The following CNTN4 variants were observed in gnomAD, a reference collection of about 807,000 sequenced individuals.
CNTN4 encodes the protein contactin 4, also known as contactin-4.
CNTN4 carries 77 observed loss-of-function variants against 122.5 expected under a neutral mutation model. That is an observed-to-expected ratio of 0.63 (90% CI 0.52 to 0.76). The LOEUF (loss-of-function observed/expected upper bound fraction) is 0.76, where lower values mean the gene tolerates loss of function less well. CNTN4 is among the 30% of genes least tolerant of loss of function. The probability of loss-of-function intolerance (pLI) is 0.00; values close to 1 mark genes in which losing one functional copy is unlikely to be tolerated. For synonymous variants in CNTN4, 512 were observed against 447.0 expected (o/e 1.15, Z -1.83); for missense variants, 1,256 against 1,259.1 (o/e 1.00, Z 0.04).
chr3:2,633,368 G>A (rs1310224299), intron 4 of CNTN4, among the ~76,000 whole-genome samples: 1 of 152,170 alleles, frequency 6.6e-6, no homozygotes, highest in African/African-American at 2.4e-5. Flanking sequence ...CACTTCATTA[G>A]TTACATTCAG....
At chr3:2,141,485 C>A (rs530655795) in intron 2 of CNTN4, among the ~76,000 whole-genome samples, 22 of 152,238 alleles carry the variant, frequency 1.4e-4, no homozygotes, top group African/African-American at 5.3e-4. Flanking sequence ...AAGCCCTGCC[C>A]AGTCTTAATT....
At chr3:2,788,709 C>A (rs2149946992) in intron 6 of CNTN4, among the ~76,000 whole-genome samples, 1 of 152,196 alleles carries the variant, frequency 6.6e-6, no homozygotes, top group South Asian at 2.1e-4. Context: ...CATTAGAATG[C>A]CAACCCTTAA....
At chr3:3,042,603 CTA>C (rs1466947448) in intron 21 of CNTN4, among the ~76,000 whole-genome samples, 181 bp downstream of exon 21, 1 of 152,154 alleles carries the variant, frequency 6.6e-6, no homozygotes, top group Non-Finnish European at 1.5e-5. Context: ...TACCCTTTTT[CTA>C]TGTTATATTC....
Position 2,251,382 on chromosome 3 carries a change from C to A in CNTN4, c.-144-87796C>A, listed in dbSNP as rs539974714. Among the ~76,000 whole-genome samples the A allele has an allele frequency of 1.8e-4, 28 of 151,970 alleles. No individual in the cohort carries two copies. The South Asian group carries it at 3.7e-3, about 20-fold the overall frequency. ...CTTAGAGCTGTTTTCTTCAATTATT[C>A]TAATTTTTGTGTTCTCATTTTGGTT... On this transcript the variant is annotated intron_variant, in intron 2 of 24. Coordinates refer to ENST00000418658, the MANE Select transcript of CNTN4 (RefSeq NM_175607.3).
At chr3:2,318,319 A>G (rs994660629) in intron 2 of CNTN4, among the ~76,000 whole-genome samples, 11 of 152,266 alleles carry the variant, frequency 7.2e-5, no homozygotes, top group Middle Eastern at 3.4e-3. Flanking sequence ...TATGCTAGAA[A>G]AACACACTAT....
chr3:2,716,716 T>G (rs904136163), intron 4 of CNTN4, among the ~76,000 whole-genome samples: 2 of 152,166 alleles, frequency 1.3e-5, no homozygotes, highest in African/African-American at 4.8e-5. Context: ...ATCACCACTA[T>G]CCACTTCCAG....
In CNTN4 at chr3:2,819,522, T is replaced by C. The variant is rs371852870; in HGVS notation, c.395T>C (p.Val132Ala). 8.8e-5 allele frequency: 142 copies of C among 1,614,058 alleles called. No homozygotes were observed. The highest frequency in any genetic ancestry group is 6.0e-5 in the Non-Finnish European group (71 of 1,180,006). The stretch of plus-strand genomic sequence containing the variant: ...TTTAAAACAAGAACAAGAAGCACTG[T>C]GTCTGTCCGTCGAGGTCAAGGAATG... Reference protein sequence around the residue: ...DNFKTRTRSTVSVRRGQGMVL... With the variant: ...DNFKTRTRSTASVRRGQGMVL... The change falls in exon 7 of 25, where the codon GTG becomes GCG. Residue 132 changes from valine to alanine, a missense_variant. Transcript: ENST00000418658.
intron 13 of CNTN4, chr3:2,927,427 G>C (rs1277068110): frequency 7.0e-6 from 3 of 427,070 alleles, no homozygotes; most frequent in Non-Finnish European, 1.4e-5. Flanking sequence ...CCTCTACTTA[G>C]AAGTGCAACA....
intron 2 of CNTN4, among the ~76,000 whole-genome samples, chr3:2,126,980 A>G (rs144722394): frequency 6.0e-4 from 91 of 152,302 alleles, no homozygotes; most frequent in African/African-American, 2.0e-3. Context: ...CTTTTGTCTG[A>G]TGAGGAGTCC....
intron 3 of CNTN4, among the ~76,000 whole-genome samples, chr3:2,545,703 G>C (rs193005567): frequency 3.6e-5 from 5 of 140,290 alleles, no homozygotes; most frequent in African/African-American, 1.3e-4. Context: ...TTTTTTTTCT[G>C]TTTTCCATTT....
chr3:2,929,765 G>A (rs189166390), intron 13 of CNTN4, among the ~76,000 whole-genome samples: 2 of 152,306 alleles, frequency 1.3e-5, no homozygotes, highest in African/African-American at 2.4e-5. Flanking sequence ...TCAGGCAGAC[G>A]TGAGTCATGT....
chr3:2,555,154 A>G (rs1370813186), intron 3 of CNTN4, among the ~76,000 whole-genome samples: 1 of 152,226 alleles, frequency 6.6e-6, no homozygotes, highest in Non-Finnish European at 1.5e-5. Flanking sequence ...TCATATGCAT[A>G]TCTTTATTGA....
At chr3:2,746,977 T>G (rs554772767) in intron 6 of CNTN4, among the ~76,000 whole-genome samples, 2 of 151,940 alleles carry the variant, frequency 1.3e-5, no homozygotes, top group Non-Finnish European at 2.9e-5. Flanking sequence ...TTTTTGGAAA[T>G]AACCATAGGA....
intron 4 of CNTN4, among the ~76,000 whole-genome samples, chr3:2,666,019 G>A (rs2084138880): frequency 6.6e-6 from 1 of 152,122 alleles, no homozygotes; most frequent in South Asian, 2.1e-4. Context: ...AATTATGAAT[G>A]GGCGAAGATA....
chr3:2,302,520 G>C (rs1189127301), intron 2 of CNTN4, among the ~76,000 whole-genome samples: 1 of 152,184 alleles, frequency 6.6e-6, no homozygotes, highest in East Asian at 1.9e-4. Context: ...ATCTTAACGT[G>C]AGCTAACTGG....
At chr3:2,967,682 A>G (rs1290880608) in intron 13 of CNTN4, among the ~76,000 whole-genome samples, 3 of 152,118 alleles carry the variant, frequency 2.0e-5, no homozygotes, top group African/African-American at 4.8e-5. Flanking sequence ...GGCAGTTTCC[A>G]TATCATTTTT....
At chr3:2,583,919 A>G (rs1163517849) in intron 4 of CNTN4, among the ~76,000 whole-genome samples, 1 of 152,182 alleles carries the variant, frequency 6.6e-6, no homozygotes, top group African/African-American at 2.4e-5. Context: ...GTTTCTGTCA[A>G]TGAACCATAT....
intron 3 of CNTN4, among the ~76,000 whole-genome samples, chr3:2,564,665 T>C (rs2079084585): frequency 1.3e-5 from 2 of 152,112 alleles, no homozygotes; most frequent in African/African-American, 2.4e-5. Context: ...TTATTCTGAA[T>C]CTTATCCCAG....
chr3:2,157,380 G>A (rs2035767132), intron 2 of CNTN4, among the ~76,000 whole-genome samples: 1 of 152,088 alleles, frequency 6.6e-6, no homozygotes, highest in Admixed American at 6.6e-5. Flanking sequence ...TGTGTTTACG[G>A]GGTTAGTGAG....
Sources: gnomAD v4.1 joint callset for allele counts (sites outside exome capture counted in the v4.1 genomes callset) on GRCh38, gnomAD v4.1.1 for gene constraint, MANE v1.5 for transcripts, NCBI Gene and HGNC (gene_info 2026-07-23, HGNC 2026-07-21) for gene names.